The following FARS2 variants were observed in gnomAD, a reference collection of about 807,000 sequenced individuals.
FARS2 encodes the protein phenylalanine--tRNA ligase, mitochondrial.
A neutral mutation model predicts 46.4 loss-of-function variants in FARS2; 40 were observed. The ratio of observed to expected loss-of-function variants is 0.86; its 90% CI spans 0.67 to 1.12. The LOEUF (loss-of-function observed/expected upper bound fraction) is 1.12. FARS2 is among the 50% of genes most tolerant of loss of function. The pLI, the probability that FARS2 is intolerant of heterozygous loss-of-function variation, is 0.00. For synonymous variants in FARS2, 234 were observed against 214.9 expected (o/e 1.09, Z -0.78); for missense variants, 513 against 567.9 (o/e 0.90, Z 0.98).
chr6:5,758,014 T>G (rs1234074206), intron 6 of FARS2, among the ~76,000 whole-genome samples: 1 of 152,212 alleles, frequency 6.6e-6, no homozygotes, highest in Non-Finnish European at 1.5e-5. Context: ...TGTTAGCTCT[T>G]CAGGTGAAGA....
At chr6:5,391,646 TCTA>T (rs972540765) in intron 2 of FARS2, among the ~76,000 whole-genome samples, 1 of 152,008 alleles carries the variant, frequency 6.6e-6, no homozygotes, top group African/African-American at 2.4e-5. Flanking sequence ...TCCTTGAAAA[TCTA>T]CTATCATCCA....
At chr6:5,545,916 T>A (rs1353431451) in intron 5 of FARS2, among the ~76,000 whole-genome samples, 1 of 151,970 alleles carries the variant, frequency 6.6e-6, no homozygotes, top group African/African-American at 2.4e-5. Context: ...TCACCTGAGG[T>A]CAAGAGTTCG....
intron 1 of FARS2, among the ~76,000 whole-genome samples, chr6:5,262,578 C>T (rs1290744127): frequency 6.6e-6 from 1 of 152,188 alleles, no homozygotes; most frequent in Non-Finnish European, 1.5e-5. Flanking sequence ...CACGCCCAGC[C>T]TCTATTTTCA....
At chr6:5,506,276 G>C (rs1768092673) in intron 4 of FARS2, among the ~76,000 whole-genome samples, 1 of 152,214 alleles carries the variant, frequency 6.6e-6, no homozygotes, top group African/African-American at 2.4e-5. Flanking sequence ...CTCCTAGCGG[G>C]ACTCAGTAAA....
intron 4 of FARS2, among the ~76,000 whole-genome samples, chr6:5,523,581 T>G (rs1335055989): frequency 3.9e-5 from 6 of 152,204 alleles, no homozygotes; most frequent in Non-Finnish European, 8.8e-5. Context: ...GGGCTCTTTC[T>G]GCTGCGGTCG....
chr6:5,315,449 G>A (rs543550196), intron 1 of FARS2, among the ~76,000 whole-genome samples: 4 of 152,282 alleles, frequency 2.6e-5, no homozygotes, highest in African/African-American at 9.6e-5. Context: ...TAATTCTAAA[G>A]TCATAAACTG....
intron 6 of FARS2, among the ~76,000 whole-genome samples, chr6:5,680,502 CA>C (rs1398436068): frequency 2.0e-5 from 3 of 152,196 alleles, no homozygotes; most frequent in Admixed American, 6.5e-5. Context: ...AAAGGAAAAT[CA>C]GTCCTCCCTG....
At chr6:5,262,428 G>A (rs983519873) in intron 1 of FARS2, among the ~76,000 whole-genome samples, 8 of 151,980 alleles carry the variant, frequency 5.3e-5, no homozygotes, top group Non-Finnish European at 8.8e-5. Flanking sequence ...ACAGGCGCGC[G>A]CTACCTCGCC....
At chr6:5,674,741 G>C (rs1260907240) in intron 6 of FARS2, among the ~76,000 whole-genome samples, 4 of 152,110 alleles carry the variant, frequency 2.6e-5, no homozygotes, top group Non-Finnish European at 2.9e-5. Flanking sequence ...ACCTAAATGA[G>C]ATCAATATCA....
At chr6:5,337,630 C>G (rs965814103) in intron 1 of FARS2, among the ~76,000 whole-genome samples, 1 of 152,108 alleles carries the variant, frequency 6.6e-6, no homozygotes, top group African/African-American at 2.4e-5. Context: ...GTTGATTTCT[C>G]AAAATTGTAA....
At position 5,611,593 on chromosome 6, in the gene FARS2, C is replaced by T. The variant is rs563360351; in HGVS notation, c.1066-1576C>T. Among the ~76,000 whole-genome samples, 4 of 152,274 alleles carry T rather than the reference C, an allele frequency of 2.6e-5. No homozygotes were observed. In the East Asian group the frequency reaches 7.7e-4, roughly 29 times the overall value. On this transcript the variant is annotated intron_variant, in intron 5 of 6. Transcript: ENST00000274680. ...TTAGTGGATTAAATGCTTTCTTTTC[C>T]GTTAAACCATTAAACTTTTTATATT... is the stretch of plus-strand genomic sequence containing the variant.
At chr6:5,499,681 CA>C (rs1257551145) in intron 4 of FARS2, among the ~76,000 whole-genome samples, 15 of 152,204 alleles carry the variant, frequency 9.9e-5, no homozygotes, top group African/African-American at 3.6e-4. Context: ...ACTTCAGGAT[CA>C]TTGTCTCCCA....
At chr6:5,445,781 A>T (rs988717323) in intron 4 of FARS2, among the ~76,000 whole-genome samples, 6 of 152,170 alleles carry the variant, frequency 3.9e-5, no homozygotes, top group African/African-American at 1.4e-4. Flanking sequence ...TCTTCTATGG[A>T]TCCTGTCCCA....
At chr6:5,704,626 C>T (rs550983656) in intron 6 of FARS2, among the ~76,000 whole-genome samples, 12 of 152,186 alleles carry the variant, frequency 7.9e-5, no homozygotes, top group African/African-American at 2.2e-4. Context: ...GGTTCATTGA[C>T]GTCCAAAAAA....
intron 6 of FARS2, among the ~76,000 whole-genome samples, chr6:5,655,277 T>C (rs1227315451): frequency 6.6e-6 from 1 of 152,246 alleles, no homozygotes; most frequent in African/African-American, 2.4e-5. Context: ...AACCTCTCTT[T>C]CCTTGGTGTT....
At chr6:5,717,908 C>CCATATATATATATA (rs1554128848) in intron 6 of FARS2, among the ~76,000 whole-genome samples, 1 of 77,722 alleles carries the variant, frequency 1.3e-5, no homozygotes, top group African/African-American at 4.2e-5. Flanking sequence ...AAGGTATCAG[C>CCATATATATATATA]TATATATATA....
In FARS2 at chr6:5,584,875, C is replaced by T. The variant is rs148457477; in HGVS notation, c.1066-28294C>T. Among the ~76,000 whole-genome samples, 750 of 152,140 alleles carry T rather than the reference C, an allele frequency of 4.9e-3. 7 individuals carry two copies. Among genetic ancestry groups the T allele is most frequent in the African/African-American group, 0.018 (728 of 41,504 alleles). On this transcript the variant is annotated intron_variant, in intron 5 of 6. Transcript: ENST00000274680. Reference sequence around the variant, plus strand: ...CATTTGCCAGAGAGTGGGGAGATATCGATGGTGTTAATAAAATCCTGATTT... The same window carrying T: ...CATTTGCCAGAGAGTGGGGAGATATTGATGGTGTTAATAAAATCCTGATTT...
chr6:5,533,514 A>T lies in FARS2; in HGVS notation c.905-11666A>T, dbSNP rs79588317. ...TGCAAATATTTACTGAGCACTTGCT[A>T]TGTGCCAGTGTTCCAGCCACTCGAG... On this transcript the variant is annotated intron_variant, in intron 4 of 6. Coordinates refer to ENST00000274680, the MANE Select transcript of FARS2 (RefSeq NM_006567.5). Among the ~76,000 whole-genome samples the T allele has an allele frequency of 5.5e-3, 835 of 152,346 alleles. 16 individuals carry two copies. Among genetic ancestry groups the T allele is most frequent in the African/African-American group, 0.019 (806 of 41,586 alleles).
At chr6:5,346,703 G>C (rs1757252029) in intron 1 of FARS2, among the ~76,000 whole-genome samples, 2 of 151,912 alleles carry the variant, frequency 1.3e-5, no homozygotes, top group African/African-American at 4.8e-5. Context: ...TACTGTACTT[G>C]CTTTATATTC....
Sources: gnomAD v4.1 joint callset for allele counts (sites outside exome capture counted in the v4.1 genomes callset) on GRCh38, gnomAD v4.1.1 for gene constraint, MANE v1.5 for transcripts, NCBI Gene and HGNC (gene_info 2026-07-23, HGNC 2026-07-21) for gene names.